OXR1: variants seen among roughly 807,000 people sequenced by gnomAD.
OXR1 encodes the protein oxidation resistance 1.
Under a neutral mutation model 104.6 loss-of-function variants are expected in OXR1, and 41 were observed. That is an observed-to-expected ratio of 0.39 (90% CI 0.31 to 0.51). The LOEUF is 0.51. Ranked by LOEUF, OXR1 falls within the 20% of genes least tolerant of loss-of-function variation. The pLI, the probability that OXR1 is intolerant of heterozygous loss-of-function variation, is 0.77. For missense variants in OXR1, 955 were observed against 1,031.9 expected (o/e 0.93, Z 1.02); for synonymous variants, 348 against 348.4 (o/e 1.00, Z 0.01).
At chr8:106,516,548 C>T (rs1812873401) in intron 2 of OXR1, among the ~76,000 whole-genome samples, 1 of 151,852 alleles carries the variant, frequency 6.6e-6, no homozygotes, top group African/African-American at 2.4e-5. Flanking sequence ...CAGCCATTCC[C>T]AGTGGAAAAA....
At chr8:106,569,303 G>T (rs1418648769) in intron 3 of OXR1, among the ~76,000 whole-genome samples, 9 of 152,026 alleles carry the variant, frequency 5.9e-5, no homozygotes, top group African/African-American at 2.2e-4. Context: ...AAGGAGAGTT[G>T]CCAAGTTCAA....
intron 3 of OXR1, among the ~76,000 whole-genome samples, chr8:106,590,456 T>C (rs965893628): frequency 2.6e-5 from 4 of 152,146 alleles, no homozygotes; most frequent in African/African-American, 9.7e-5. Context: ...CCCAGCTCAT[T>C]TTTGTATTTT....
intron 2 of OXR1, among the ~76,000 whole-genome samples, chr8:106,459,477 G>T (rs1010665143): frequency 1.3e-5 from 2 of 151,492 alleles, no homozygotes; most frequent in Admixed American, 1.3e-4. Flanking sequence ...TTCCATTATA[G>T]CAATACAAAG....
chr8:106,343,329 G>C (rs1412520173), intron 1 of OXR1, among the ~76,000 whole-genome samples: 1 of 152,170 alleles, frequency 6.6e-6, no homozygotes, highest in African/African-American at 2.4e-5. Flanking sequence ...AATAGCAGAG[G>C]ACCATGTCCA....
intron 2 of OXR1, among the ~76,000 whole-genome samples, chr8:106,399,561 C>G (rs1417724554): frequency 6.6e-6 from 1 of 152,118 alleles, no homozygotes; most frequent in African/African-American, 2.4e-5. Flanking sequence ...TCACTATCCC[C>G]AAAGAACCCT....
At chr8:106,381,329 G>A (rs766472266) in intron 2 of OXR1, among the ~76,000 whole-genome samples, 16 of 152,286 alleles carry the variant, frequency 1.1e-4, no homozygotes, top group African/African-American at 1.9e-4. Context: ...GCTGGAATGC[G>A]ATGAGTAGGA....
intron 2 of OXR1, among the ~76,000 whole-genome samples, chr8:106,465,608 A>T (rs886070213): frequency 6.6e-6 from 1 of 151,982 alleles, no homozygotes; most frequent in African/African-American, 2.4e-5. Flanking sequence ...CAAATTATTG[A>T]TAAATTTTGA....
intron 1 of OXR1, among the ~76,000 whole-genome samples, chr8:106,354,446 T>A (rs1815873982): frequency 6.6e-6 from 1 of 152,166 alleles, no homozygotes; most frequent in Non-Finnish European, 1.5e-5. Flanking sequence ...TATATGTACC[T>A]CATTACCTGC....
At chr8:106,590,220 T>C (rs1818968302) in intron 3 of OXR1, among the ~76,000 whole-genome samples, 2 of 152,220 alleles carry the variant, frequency 1.3e-5, no homozygotes, top group African/African-American at 4.8e-5. Context: ...CAGTTATTAA[T>C]ATTATTCTTT....
At chr8:106,294,948 A>G (rs1812927700) in intron 1 of OXR1, among the ~76,000 whole-genome samples, 1 of 152,176 alleles carries the variant, frequency 6.6e-6, no homozygotes, top group Admixed American at 6.5e-5. Context: ...TTATCATAGC[A>G]TTATTATAAA....
chr8:106,638,818 G>A (rs1823373613), intron 3 of OXR1, among the ~76,000 whole-genome samples: 1 of 151,768 alleles, frequency 6.6e-6, no homozygotes, highest in African/African-American at 2.4e-5. Flanking sequence ...GCTTGAACCT[G>A]GGAGGTTGAG....
At chr8:106,736,518 A>G (rs1414705117) in intron 11 of OXR1, among the ~76,000 whole-genome samples, 1 of 152,154 alleles carries the variant, frequency 6.6e-6, no homozygotes, top group African/African-American at 2.4e-5. Flanking sequence ...GATTGATTAC[A>G]AGAGGAACTA....
chr8:106,483,911 T>C (rs1822288327), intron 2 of OXR1, among the ~76,000 whole-genome samples: 2 of 152,090 alleles, frequency 1.3e-5, no homozygotes, highest in Admixed American at 1.3e-4. Flanking sequence ...GAATGTACAT[T>C]TGATTTTGAA....
At chr8:106,581,118 G>A (rs1818189996) in intron 3 of OXR1, 1 of 1,257,986 alleles carries the variant, frequency 7.9e-7, no homozygotes, top group Non-Finnish European at 1.0e-6. Context: ...AGACAGTCTA[G>A]ACTTAAAGAT....
intron 2 of OXR1, among the ~76,000 whole-genome samples, chr8:106,469,010 G>GTGTTGT (rs66481208): frequency 7.2e-6 from 1 of 138,956 alleles, no homozygotes; most frequent in Admixed American, 7.2e-5. Context: ...GTTTGTTTGT[G>GTGTTGT]TGTTGTTGTT....
At chr8:106,282,433 T>C (rs758930077) in intron 1 of OXR1, among the ~76,000 whole-genome samples, 3 of 152,164 alleles carry the variant, frequency 2.0e-5, no homozygotes, top group Non-Finnish European at 4.4e-5. Flanking sequence ...ACTCGAACAA[T>C]ATGAGAGTTA....
intron 7 of OXR1, chr8:106,697,934 C>A (rs1339891546): frequency 1.1e-5 from 17 of 1,612,296 alleles, no homozygotes; most frequent in Non-Finnish European, 1.4e-5. Context: ...AGGATCTGCT[C>A]CAGATCTGCA....
intron 3 of OXR1, among the ~76,000 whole-genome samples, chr8:106,651,964 C>T (rs150973273): frequency 1.2e-3 from 183 of 152,158 alleles, no homozygotes; most frequent in African/African-American, 4.1e-3. Context: ...CAGTAAATGT[C>T]TTGCTCCTCC....
intron 3 of OXR1, among the ~76,000 whole-genome samples, chr8:106,640,429 A>T (rs1474051162): frequency 6.6e-6 from 1 of 151,710 alleles, no homozygotes; most frequent in African/African-American, 2.4e-5. Context: ...CATGTTAATT[A>T]TGATTTTCCC....
Sources: gnomAD v4.1 joint callset for allele counts (sites outside exome capture counted in the v4.1 genomes callset) on GRCh38, gnomAD v4.1.1 for gene constraint, MANE v1.5 for transcripts, NCBI Gene and HGNC (gene_info 2026-07-23, HGNC 2026-07-21) for gene names.